The following TTYH3 variants were observed in gnomAD, a reference collection of about 807,000 sequenced individuals.
The protein encoded by TTYH3 is protein tweety homolog 3.
TTYH3 carries 23 observed loss-of-function variants against 68.2 expected under a neutral mutation model. That is an observed-to-expected ratio of 0.34 (90% confidence interval 0.24 to 0.48). The LOEUF is 0.48. Ranked by LOEUF, TTYH3 falls within the 20% of genes least tolerant of loss-of-function variation. The pLI, the probability that TTYH3 is intolerant of heterozygous loss-of-function variation, is 0.99. For missense variants in TTYH3, 768 were observed against 727.7 expected, an observed-to-expected ratio of 1.06 and a Z score of -0.64; for synonymous variants, 360 against 332.8, an observed-to-expected ratio of 1.08 and a Z score of -0.89.
In TTYH3 at chr7:2,647,665, G is replaced by A. The variant is rs762786179; in HGVS notation, c.626+27G>A. The A allele has an allele frequency of 2.2e-5, 34 of 1,535,550 alleles. No homozygotes were observed. In the South Asian group the frequency reaches 3.2e-4, roughly 15 times the overall value. On this transcript the variant is annotated intron_variant, in intron 4 of 13. Transcript: ENST00000258796. The stretch of plus-strand genomic sequence containing the variant: ...TGCGGCCAGGCCCTCTTCCCTGCCC[G>A]CCCCACGTGGGAAAGCATCACCCTC...
In TTYH3 at chr7:2,646,843, C is replaced by T; in HGVS notation, c.124-10C>T. 7 of 1,592,006 alleles carry T rather than the reference C, an allele frequency of 4.4e-6. No individual in the cohort carries two copies. The highest frequency in any genetic ancestry group is 2.2e-5 in the South Asian group (2 of 89,950). Reference sequence around the variant, plus strand: ...CCACCCCTCCAGCGCCGCTTCCTGCCTGCCCTCAGGCCCTGCTGCTCCTGG... The same window carrying T: ...CCACCCCTCCAGCGCCGCTTCCTGCTTGCCCTCAGGCCCTGCTGCTCCTGG... On this transcript the variant is annotated splice_polypyrimidine_tract_variant and intron_variant, in intron 1 of 13. Coordinates refer to ENST00000258796, the MANE Select transcript of TTYH3 (RefSeq NM_025250.3).
In TTYH3 at chr7:2,633,696, G is replaced by A. The variant is rs1011515047; in HGVS notation, c.123+1418G>A. 3.3e-5 allele frequency among the ~76,000 whole-genome samples: 5 copies of A among 152,252 alleles called. No homozygotes were observed. In the East Asian group the frequency reaches 5.8e-4, roughly 18 times the overall value. On this transcript the variant is annotated intron_variant, in intron 1 of 13. Transcript: ENST00000258796. ...ACTCTGTTGAAGCTGCAAGGAGGGTGTGCTTCACTTTGGAAAGTTCTCTGC... is the reference window on the plus strand; with the variant it reads ...ACTCTGTTGAAGCTGCAAGGAGGGTATGCTTCACTTTGGAAAGTTCTCTGC...
intron 5 of TTYH3, among the ~76,000 whole-genome samples, chr7:2,648,973 G>GGGGTGTGGGGCCCGCAGTGGGGTT (rs1207162842): frequency 2.0e-5 from 2 of 99,424 alleles, no homozygotes; most frequent in Non-Finnish European, 4.1e-5. Context: ...GCAGTGGGGT[G>GGGGTGTGGGGCCCGCAGTGGGGTT]TGGGGCCTGC....
intron 1 of TTYH3, among the ~76,000 whole-genome samples, chr7:2,640,248 A>AC (rs1252628173): frequency 6.6e-6 from 1 of 151,514 alleles, no homozygotes; most frequent in Non-Finnish European, 1.5e-5. Flanking sequence ...CCCTGTGAGC[A>AC]CCCCCCAGTG....
Position 2,661,652 on chromosome 7 carries a change from C to T in TTYH3, c.1501-16C>T. 1.2e-6 allele frequency: 2 copies of T among 1,611,352 alleles called. No individual in the cohort carries two copies. Among genetic ancestry groups the T allele is most frequent in the Non-Finnish European group, 1.7e-6 (2 of 1,179,086 alleles). On this transcript the variant is annotated splice_polypyrimidine_tract_variant and intron_variant, in intron 13 of 13. Transcript: ENST00000258796. ...TGCAGGGGCCCTGCTGATGCCTCCC[C>T]CTTGTCTCCCTCCAGTACACCTCCA...
At chr7:2,646,446 C>T (rs1358696077) in intron 1 of TTYH3, among the ~76,000 whole-genome samples, 2 of 152,246 alleles carry the variant, frequency 1.3e-5, no homozygotes, top group African/African-American at 4.8e-5. Context: ...CTCTGGCTAC[C>T]TCCATCCAGC....
Position 2,632,286 on chromosome 7 carries a change from G to T in TTYH3, c.123+8G>T. On this transcript the variant is annotated splice_region_variant and intron_variant, in intron 1 of 13. Coordinates refer to ENST00000258796, the MANE Select transcript of TTYH3 (RefSeq NM_025250.3). ...GACACCGACTACCAGCAGGTGACAT[G>T]GGCCTCTCGGGGTCGCGGGGTCAGG... 6.4e-7 allele frequency: 1 copy of T among 1,564,462 alleles called. No homozygotes were observed. Among genetic ancestry groups the T allele is most frequent in the East Asian group, 2.3e-5 (1 of 42,952 alleles).
At chr7:2,659,599 G>T (rs1456587267) in intron 13 of TTYH3, among the ~76,000 whole-genome samples, 1 of 152,234 alleles carries the variant, frequency 6.6e-6, no homozygotes, top group African/African-American at 2.4e-5. Context: ...GAGGGGACAG[G>T]GTGCCGAAGA....
In TTYH3 at chr7:2,658,356, G is replaced by A. The variant is rs986675288; in HGVS notation, c.1321G>A (p.Val441Ile). The change falls in exon 12 of 14, where the codon GTC becomes ATC. Residue 441 changes from valine (V) to isoleucine (I), a missense_variant. Physicochemically the swap from Val to Ile is conservative, Grantham distance 29 (BLOSUM62 3). Transcript: ENST00000258796. Reference protein sequence around the residue: ...PRQAHDSLYRVHMPSLYSCGS... With the variant: ...PRQAHDSLYRIHMPSLYSCGS... ...GCAGGCGCACGACAGCCTCTACCGC[G>A]TCCACATGCCCAGCCTGTACAGCTG... 3.7e-6 allele frequency: 6 copies of A among 1,610,450 alleles called. No individual in the cohort carries two copies. Among genetic ancestry groups the A allele is most frequent in the Admixed American group, 1.7e-5 (1 of 59,786 alleles).
intron 7 of TTYH3, 36 bp downstream of exon 7, chr7:2,650,024 C>T: frequency 6.2e-7 from 1 of 1,611,024 alleles, no homozygotes. Context: ...CCAGCGGGTT[C>T]CCCAGGGTTG....
intron 1 of TTYH3, among the ~76,000 whole-genome samples, chr7:2,632,654 T>G (rs909816210): frequency 7.9e-5 from 12 of 152,318 alleles, no homozygotes; most frequent in Admixed American, 7.2e-4. Flanking sequence ...CCACCATCAC[T>G]GTTGGCGGCC....
chr7:2,642,557 AAAG>A (rs997296246), intron 1 of TTYH3, among the ~76,000 whole-genome samples: 5 of 148,842 alleles, frequency 3.4e-5, no homozygotes, highest in African/African-American at 7.4e-5. Context: ...AAAAAAAAAA[AAAG>A]AAAGAAAGAA....
At position 2,647,238 on chromosome 7, in the gene TTYH3, C is replaced by G. The variant is rs1262899920; in HGVS notation, c.390C>G (p.Ala130=). The G allele has an allele frequency of 6.3e-6, 10 of 1,592,910 alleles. No homozygotes were observed. Among genetic ancestry groups the G allele is most frequent in the Non-Finnish European group, 8.5e-6 (10 of 1,173,134 alleles). ...TCCGCCACGCCAACCGCACGGTGGC[C>G]GGGGTCCAGGACCGCGTGAGTGGCC... ...YSLRHANRTV[A]GVQDRVWDTA... is the part of the protein sequence containing the mutation. The change falls in exon 3 of 14, where the codon GCC becomes GCG. Residue 130 remains alanine, a synonymous_variant. Transcript: ENST00000258796.
chr7:2,652,926 G>C lies in TTYH3; in HGVS notation c.936G>C (p.Ser312=), dbSNP rs1168061037. The C allele has an allele frequency of 7.0e-6, 11 of 1,567,326 alleles. No homozygotes were observed. The highest frequency in any genetic ancestry group is 9.5e-6 in the Non-Finnish European group (11 of 1,155,662). ...TCTCCTCTCTGGAGCAGAAGCTGTC[G>C]GGCAGCCACAAGGCACTGGTGGAGA... ...RAANPFQQKL[S]GSHKALVEMQ... is the part of the protein sequence containing the mutation. Residue 312 remains serine, a synonymous_variant, in exon 9 of 14, where the codon TCG becomes TCC. Coordinates refer to ENST00000258796, the MANE Select transcript of TTYH3 (RefSeq NM_025250.3).
chr7:2,659,078 T>C (rs1047309660), intron 13 of TTYH3, 63 bp downstream of exon 13: 88 of 1,477,544 alleles, frequency 6.0e-5, no homozygotes, highest in Non-Finnish European at 8.4e-6. Context: ...GCTGTTCCAC[T>C]GCGTCGGTGG....
In TTYH3 at chr7:2,647,031, G is replaced by A. The variant is rs762406965; in HGVS notation, c.293+9G>A. On this transcript the variant is annotated intron_variant, in intron 2 of 13. Transcript: ENST00000258796. ...GCCACGCTGGTGTGCAGGTGAGCGCGGTGGGGCGGGGACGGAGGGCGGGGC... is the reference window on the plus strand; with the variant it reads ...GCCACGCTGGTGTGCAGGTGAGCGCAGTGGGGCGGGGACGGAGGGCGGGGC... 4.5e-6 allele frequency: 7 copies of A among 1,546,042 alleles called. No individual in the cohort carries two copies. The African/African-American group carries it at 8.2e-5, about 18-fold the overall frequency.
rs779075237 is a variant in TTYH3 at position 2,658,335 on chromosome 7, G to A, written c.1300G>A (p.Ala434Thr). ...EEEAAPGPRQ[A>T]HDSLYRVHMP... is the part of the protein sequence containing the mutation. ...GGAGGCCGCTCCAGGGCCGCGGCAGGCGCACGACAGCCTCTACCGCGTCCA... is the reference window on the plus strand; with the variant it reads ...GGAGGCCGCTCCAGGGCCGCGGCAGACGCACGACAGCCTCTACCGCGTCCA... The change falls in exon 12 of 14, where the codon GCG becomes ACG. Residue 434 changes from alanine (A) to threonine (T), a missense_variant. Physicochemically the swap from Ala to Thr is moderately conservative, Grantham distance 58. Coordinates refer to ENST00000258796, the MANE Select transcript of TTYH3 (RefSeq NM_025250.3). 6.2e-7 allele frequency: 1 copy of A among 1,605,244 alleles called. No individual in the cohort carries two copies. Among genetic ancestry groups the A allele is most frequent in the African/African-American group, 1.3e-5 (1 of 74,996 alleles).
chr7:2,660,296 CT>C, intron 13 of TTYH3: 1 of 985,376 alleles, frequency 1.0e-6, no homozygotes, highest in Non-Finnish European at 1.2e-6. Context: ...TCTGGGGACT[CT>C]GCCACAGCTC....
intron 1 of TTYH3, among the ~76,000 whole-genome samples, chr7:2,644,166 C>T (rs1023994648): frequency 6.6e-6 from 1 of 152,156 alleles, no homozygotes; most frequent in Non-Finnish European, 1.5e-5. Flanking sequence ...CTGTGGAGCT[C>T]TGGTCCCGGG....
Sources: allele counts gnomAD v4.1 joint callset (sites outside exome capture counted in the v4.1 genomes callset), GRCh38; gene constraint gnomAD v4.1.1; transcripts MANE v1.5; gene names NCBI Gene and HGNC (gene_info 2026-07-23, HGNC 2026-07-21).